The following SLC44A5 variants were observed in gnomAD, a reference collection of about 807,000 sequenced individuals.
SLC44A5 encodes choline transporter-like protein 5.
A neutral mutation model predicts 101.8 loss-of-function variants in SLC44A5; 57 were observed. That is an observed-to-expected ratio of 0.56 (90% CI 0.45 to 0.70). SLC44A5 has a LOEUF of 0.70. SLC44A5 is among the 30% of genes least tolerant of loss of function. SLC44A5 has a pLI of 0.00. For missense variants in SLC44A5, 737 were observed against 853.1 expected (o/e 0.86, Z 1.70); for synonymous variants, 281 against 290.9 (o/e 0.97, Z 0.35).
chr1:75,564,603 T>TTTTTTTTATTTA (rs369104614), intron 1 of SLC44A5, among the ~76,000 whole-genome samples: 7 of 138,074 alleles, frequency 5.1e-5, no homozygotes, highest in East Asian at 2.1e-4. Flanking sequence ...TTTTTTTAAT[T>TTTTTTTTATTTA]TTTATTTATT....
Position 75,508,987 on chromosome 1 carries a change from G to A in SLC44A5, c.13+32448C>T, listed in dbSNP as rs952808425. ...TTTCTAGAATTAAAAGGAAATACAC[G>A]TCATGATGACAATGACAAAGCTGGG... On this transcript the variant is annotated intron_variant, in intron 2 of 23. Coordinates refer to ENST00000370859, the MANE Select transcript of SLC44A5 (RefSeq NM_001130058.2). Among the ~76,000 whole-genome samples, 3 of 152,276 alleles carry A rather than the reference G, an allele frequency of 2.0e-5. No homozygotes were observed. In the South Asian group the frequency reaches 6.2e-4, roughly 32 times the overall value.
At position 75,469,380 on chromosome 1, in the gene SLC44A5, C is replaced by A. The variant is rs574721973; in HGVS notation, c.13+72055G>T. 3.3e-4 allele frequency among the ~76,000 whole-genome samples: 50 copies of A among 152,120 alleles called. 1 individual carries two copies. The highest frequency in any genetic ancestry group is 1.2e-3 in the African/African-American group (48 of 41,484). On this transcript the variant is annotated intron_variant, in intron 2 of 23. Transcript: ENST00000370859. Reference sequence around the variant, plus strand: ...GAAAGGTAAATGATGACATAATAAGCGTGAGCTGTAACACCATGTGCCACT... The same window carrying A: ...GAAAGGTAAATGATGACATAATAAGAGTGAGCTGTAACACCATGTGCCACT...
intron 2 of SLC44A5, 28 bp from the exon 3 acceptor site, chr1:75,396,649 A>C (rs1557741213): frequency 6.3e-7 from 1 of 1,598,586 alleles, no homozygotes; most frequent in East Asian, 2.2e-5. Flanking sequence ...AGGCAAAAAA[A>C]ATATTTGTAG....
the SLC44A5 span, among the ~76,000 whole-genome samples, chr1:75,691,714 G>T: frequency 1.3e-5 from 2 of 152,170 alleles, no homozygotes; most frequent in African/African-American, 4.8e-5. Context: ...CAAGATCAAG[G>T]TGCAAACCAA....
the SLC44A5 span, among the ~76,000 whole-genome samples, chr1:75,662,078 A>T: frequency 6.6e-6 from 1 of 152,148 alleles, no homozygotes; most frequent in African/African-American, 2.4e-5. Context: ...TCAAATAGCC[A>T]TGATATGGAA....
intron 4 of SLC44A5, among the ~76,000 whole-genome samples, chr1:75,305,098 C>T (rs1654801145): frequency 6.6e-6 from 1 of 152,224 alleles, no homozygotes; most frequent in South Asian, 2.1e-4. Context: ...ATTACATGTG[C>T]ATGTGCAGAC....
At chr1:75,720,055 C>T in the SLC44A5 span, among the ~76,000 whole-genome samples, 1 of 152,180 alleles carries the variant, frequency 6.6e-6, no homozygotes, top group East Asian at 1.9e-4. Context: ...AAAGCATGTA[C>T]TTACTGTAAA....
intron 3 of SLC44A5, among the ~76,000 whole-genome samples, chr1:75,354,564 G>A (rs1570755660): frequency 6.6e-6 from 1 of 152,284 alleles, no homozygotes; most frequent in East Asian, 1.9e-4. Context: ...TGGGGCCTTT[G>A]CAGCCTCCAC....
intron 1 of SLC44A5, among the ~76,000 whole-genome samples, chr1:75,557,576 T>C (rs1672288957): frequency 6.6e-6 from 1 of 152,166 alleles, no homozygotes; most frequent in Admixed American, 6.6e-5. Flanking sequence ...ACAAGTGTTA[T>C]CTGGGTATAA....
intron 6 of SLC44A5, among the ~76,000 whole-genome samples, chr1:75,270,987 T>C (rs547036152): frequency 6.6e-6 from 1 of 152,240 alleles, no homozygotes; most frequent in East Asian, 1.9e-4. Flanking sequence ...ATGGTTTCTT[T>C]TACCACTTGG....
intron 3 of SLC44A5, among the ~76,000 whole-genome samples, chr1:75,346,399 C>G (rs1040539626): frequency 2.0e-5 from 3 of 151,956 alleles, no homozygotes; most frequent in Non-Finnish European, 4.4e-5. Flanking sequence ...CAGTTATAAC[C>G]TTAGAAGTAA....
At chr1:75,545,183 G>A (rs1269486660) in intron 1 of SLC44A5, among the ~76,000 whole-genome samples, 2 of 152,118 alleles carry the variant, frequency 1.3e-5, no homozygotes, top group African/African-American at 2.4e-5. Context: ...CAAAGGACAC[G>A]ATCTCATCCT....
chr1:75,438,794 T>C (rs1295836653), intron 2 of SLC44A5, among the ~76,000 whole-genome samples: 1 of 152,020 alleles, frequency 6.6e-6, no homozygotes. Context: ...ATATAAACTT[T>C]CAATTAAAAA....
At chr1:75,366,142 G>A (rs1659841072) in intron 3 of SLC44A5, among the ~76,000 whole-genome samples, 1 of 152,160 alleles carries the variant, frequency 6.6e-6, no homozygotes, top group East Asian at 1.9e-4. Flanking sequence ...ATACTTTCAT[G>A]TGTTTTCATA....
At chr1:75,351,279 A>G (rs1434785350) in intron 3 of SLC44A5, among the ~76,000 whole-genome samples, 2 of 152,086 alleles carry the variant, frequency 1.3e-5, no homozygotes, top group Non-Finnish European at 2.9e-5. Context: ...TCAGTAATTT[A>G]TCCAATATTT....
intron 3 of SLC44A5, among the ~76,000 whole-genome samples, chr1:75,384,180 T>C (rs1661124311): frequency 6.6e-6 from 1 of 152,172 alleles, no homozygotes; most frequent in African/African-American, 2.4e-5. Context: ...AACATCATAA[T>C]GACAGGATCT....
At chr1:75,304,728 G>A (rs550498703) in intron 4 of SLC44A5, among the ~76,000 whole-genome samples, 1 of 152,260 alleles carries the variant, frequency 6.6e-6, no homozygotes, top group Non-Finnish European at 1.5e-5. Context: ...TCATATTCTA[G>A]CTACAGGCTT....
At chr1:75,209,201 TCTTA>T (rs1646806269) in intron 23 of SLC44A5, among the ~76,000 whole-genome samples, 1 of 152,222 alleles carries the variant, frequency 6.6e-6, no homozygotes, top group Admixed American at 6.6e-5. Flanking sequence ...GGAAAACATT[TCTTA>T]CTGTCAAAAT....
intron 4 of SLC44A5, among the ~76,000 whole-genome samples, chr1:75,308,944 A>G (rs1655101802): frequency 6.6e-6 from 1 of 152,216 alleles, no homozygotes; most frequent in Admixed American, 6.5e-5. Flanking sequence ...TCAAATTTTA[A>G]TAAGTAAATA....
Sources: gnomAD v4.1 joint callset for allele counts (sites outside exome capture counted in the v4.1 genomes callset) on GRCh38, gnomAD v4.1.1 for gene constraint, MANE v1.5 for transcripts, NCBI Gene and HGNC (gene_info 2026-07-23, HGNC 2026-07-21) for gene names.